TENM4: variants seen among roughly 807,000 people sequenced by gnomAD.
TENM4 encodes teneurin transmembrane protein 4, also known as teneurin-4.
A neutral mutation model predicts 243.3 loss-of-function variants in TENM4; 82 were observed. The observed-to-expected ratio is 0.34, with a 90% CI of 0.28 to 0.40. TENM4 has a LOEUF of 0.40. Among genes scored for constraint, TENM4 ranks in the 10% least tolerant of loss-of-function variants. The pLI is 1.00. For missense variants in TENM4, 3,138 were observed against 3,673.3 expected (o/e 0.85, Z 3.77); for synonymous variants, 1,412 against 1,456.3 (o/e 0.97, Z 0.69).
At chr11:79,187,995 A>G (rs1419449030) in intron 3 of TENM4, among the ~76,000 whole-genome samples, 2 of 152,234 alleles carry the variant, frequency 1.3e-5, no homozygotes, top group African/African-American at 4.8e-5. Flanking sequence ...TCTGCAAAGA[A>G]CAGTGTTTCA....
At chr11:79,251,403 T>A (rs1855609812) in intron 2 of TENM4, among the ~76,000 whole-genome samples, 1 of 152,236 alleles carries the variant, frequency 6.6e-6, no homozygotes, top group South Asian at 2.1e-4. Context: ...CAAATTTATA[T>A]CACCCGTGGG....
intron 9 of TENM4, among the ~76,000 whole-genome samples, chr11:78,880,107 TA>T (rs1859391630): frequency 6.6e-6 from 1 of 152,246 alleles, no homozygotes; most frequent in Admixed American, 6.5e-5. Context: ...TGTTCTGTAC[TA>T]AGAAAAATTC....
intron 6 of TENM4, among the ~76,000 whole-genome samples, chr11:78,959,162 G>A (rs640555): frequency 0.44 from 66,696 of 151,714 alleles, 14,873 homozygotes; most frequent in Middle Eastern, 0.5. Flanking sequence ...CATTCAATGA[G>A]CACTAAATTA....
intron 32 of TENM4, among the ~76,000 whole-genome samples, chr11:78,664,509 G>C (rs561146633): frequency 3.9e-5 from 6 of 152,202 alleles, no homozygotes; most frequent in Non-Finnish European, 8.8e-5. Context: ...ACAGATGTGA[G>C]CCACTGCACC....
intron 6 of TENM4, among the ~76,000 whole-genome samples, chr11:79,000,236 A>G (rs947226333): frequency 6.6e-6 from 1 of 152,260 alleles, no homozygotes; most frequent in African/African-American, 2.4e-5. Flanking sequence ...CCTGCCTCAC[A>G]TGTCTAAATC....
intron 2 of TENM4, among the ~76,000 whole-genome samples, chr11:79,259,673 CCAT>C (rs1855763021): frequency 6.6e-6 from 1 of 151,156 alleles, no homozygotes; most frequent in Non-Finnish European, 1.5e-5. Context: ...ATCCATCCAT[CCAT>C]CCATCCATCC....
chr11:79,306,103 G>A (rs1856622099), intron 1 of TENM4, among the ~76,000 whole-genome samples: 1 of 152,260 alleles, frequency 6.6e-6, no homozygotes, highest in South Asian at 2.1e-4. Context: ...TGCTGCCCTA[G>A]CCTGTACCAG....
chr11:79,375,887 T>C (rs1441744525), intron 1 of TENM4, among the ~76,000 whole-genome samples: 2 of 151,974 alleles, frequency 1.3e-5, no homozygotes, highest in Non-Finnish European at 2.9e-5. Flanking sequence ...CAGTAGGAAG[T>C]TTAGCATTGT....
At chr11:78,693,073 T>C (rs915117740) in intron 28 of TENM4, among the ~76,000 whole-genome samples, 1 of 152,218 alleles carries the variant, frequency 6.6e-6, no homozygotes, top group African/African-American at 2.4e-5. Flanking sequence ...ACCCAGCAGG[T>C]AGACAGTACT....
intron 2 of TENM4, among the ~76,000 whole-genome samples, chr11:79,218,492 T>C (rs1316397032): frequency 6.6e-6 from 1 of 152,106 alleles, no homozygotes; most frequent in East Asian, 1.9e-4. Flanking sequence ...CAGGCTCCCT[T>C]TTTTGTGTCT....
chr11:78,704,187 ATATATATT>A (rs1167676409), intron 27 of TENM4, among the ~76,000 whole-genome samples: 3 of 140,640 alleles, frequency 2.1e-5, no homozygotes, highest in Non-Finnish European at 4.5e-5. Context: ...ATATATATAT[ATATATATT>A]TGTAGAGACA....
At chr11:78,726,884 GTC>G (rs1450815607) in intron 22 of TENM4, among the ~76,000 whole-genome samples, 1 of 152,158 alleles carries the variant, frequency 6.6e-6, no homozygotes, top group African/African-American at 2.4e-5. Flanking sequence ...AAATTGCCCA[GTC>G]TCAGGTATTT....
intron 4 of TENM4, among the ~76,000 whole-genome samples, chr11:79,124,243 G>A (rs866962484): frequency 1.4e-4 from 22 of 152,292 alleles, no homozygotes; most frequent in African/African-American, 5.1e-4. Context: ...TTGGATTGAA[G>A]GATACAAAGT....
intron 1 of TENM4, among the ~76,000 whole-genome samples, chr11:79,410,082 T>C (rs976068773): frequency 6.6e-6 from 1 of 152,112 alleles, no homozygotes; most frequent in East Asian, 1.9e-4. Flanking sequence ...TTTTAAAAAG[T>C]TTACGAATTT....
At chr11:79,137,092 T>G (rs539242824) in intron 4 of TENM4, among the ~76,000 whole-genome samples, 1 of 152,190 alleles carries the variant, frequency 6.6e-6, no homozygotes, top group Non-Finnish European at 1.5e-5. Context: ...TGGCAAAAAT[T>G]TTACTTCCTG....
chr11:79,283,720 T>G (rs1713074801), intron 2 of TENM4, among the ~76,000 whole-genome samples: 1 of 152,032 alleles, frequency 6.6e-6, no homozygotes, highest in African/African-American at 2.4e-5. Context: ...GAAAATTAGT[T>G]AACAAAAAGA....
intron 6 of TENM4, among the ~76,000 whole-genome samples, chr11:79,000,245 T>C (rs1477861347): frequency 6.6e-6 from 1 of 152,138 alleles, no homozygotes; most frequent in Non-Finnish European, 1.5e-5. Flanking sequence ...CATGTCTAAA[T>C]CAAGTCTTTT....
chr11:78,842,264 G>A (rs1858276803), intron 12 of TENM4, among the ~76,000 whole-genome samples: 1 of 152,164 alleles, frequency 6.6e-6, no homozygotes, highest in Non-Finnish European at 1.5e-5. Flanking sequence ...GAAACTCAAT[G>A]CCTCTCCCTT....
chr11:79,386,515 G>A (rs984926407), intron 1 of TENM4, among the ~76,000 whole-genome samples: 2 of 152,026 alleles, frequency 1.3e-5, no homozygotes, highest in African/African-American at 4.8e-5. Context: ...TCTGGCAAAT[G>A]ACTGATGCCA....
Sources: allele counts gnomAD v4.1 joint callset (sites outside exome capture counted in the v4.1 genomes callset), GRCh38; gene constraint gnomAD v4.1.1; transcripts MANE v1.5; gene names NCBI Gene and HGNC (gene_info 2026-07-23, HGNC 2026-07-21).